Variants in SLC4A10 observed in about 807,000 individuals in gnomAD.
SLC4A10 encodes the protein sodium-driven chloride bicarbonate exchanger.
SLC4A10 carries 42 observed loss-of-function variants against 137.7 expected under a neutral mutation model. That is an observed-to-expected ratio of 0.30 (90% CI 0.24 to 0.39). The LOEUF (loss-of-function observed/expected upper bound fraction) is 0.39. Among genes scored for constraint, SLC4A10 ranks in the 10% least tolerant of loss-of-function variants. The pLI, the probability that SLC4A10 is intolerant of heterozygous loss-of-function variation, is 1.00. For synonymous variants in SLC4A10, 474 were observed against 464.1 expected, an observed-to-expected ratio of 1.02 and a Z score of -0.27; for missense variants, 925 against 1,355.0, an observed-to-expected ratio of 0.68 and a Z score of 4.98.
At chr2:161,810,626 A>G (rs1410092471) in intron 3 of SLC4A10, among the ~76,000 whole-genome samples, 3 of 151,998 alleles carry the variant, frequency 2.0e-5, no homozygotes, top group African/African-American at 7.2e-5. Context: ...CGAGATAACC[A>G]TATGGTTTTG....
intron 1 of SLC4A10, among the ~76,000 whole-genome samples, chr2:161,752,685 G>A (rs2049115700): frequency 2.0e-5 from 3 of 152,026 alleles, no homozygotes; most frequent in African/African-American, 7.2e-5. Context: ...GAATCTGGAG[G>A]GCATTATGTT....
intron 1 of SLC4A10, among the ~76,000 whole-genome samples, chr2:161,644,359 G>A (rs1574065749): frequency 6.6e-6 from 1 of 152,072 alleles, no homozygotes; most frequent in Non-Finnish European, 1.5e-5. Flanking sequence ...AGCCGGGCGT[G>A]GTGGTACGTT....
intron 1 of SLC4A10, among the ~76,000 whole-genome samples, chr2:161,711,656 G>C (rs1467602061): frequency 6.6e-6 from 1 of 151,746 alleles, no homozygotes; most frequent in Non-Finnish European, 1.5e-5. Flanking sequence ...CAAAGTGCCT[G>C]TTTCCTTGTA....
At chr2:161,781,974 A>T (rs575930892) in intron 2 of SLC4A10, among the ~76,000 whole-genome samples, 1 of 152,158 alleles carries the variant, frequency 6.6e-6, no homozygotes, top group South Asian at 2.1e-4. Flanking sequence ...CCCAACTTCG[A>T]TGGGGGCTAC....
At chr2:161,795,481 C>T (rs1208500896) in intron 2 of SLC4A10, among the ~76,000 whole-genome samples, 1 of 152,026 alleles carries the variant, frequency 6.6e-6, no homozygotes, top group Non-Finnish European at 1.5e-5. Context: ...TCATTACTAG[C>T]ATCAAAGCCA....
intron 5 of SLC4A10, among the ~76,000 whole-genome samples, chr2:161,861,394 C>G (rs1450005719): frequency 6.6e-6 from 1 of 152,028 alleles, no homozygotes; most frequent in African/African-American, 2.4e-5. Context: ...CACCTTATGA[C>G]CATAAGGAAA....
chr2:161,843,078 A>G (rs1042386013), intron 4 of SLC4A10, among the ~76,000 whole-genome samples: 1 of 152,190 alleles, frequency 6.6e-6, no homozygotes, highest in Non-Finnish European at 1.5e-5. Context: ...ACTACATAAT[A>G]GAGCTGAAAA....
At chr2:161,929,049 A>C (rs990311314) in intron 15 of SLC4A10, among the ~76,000 whole-genome samples, 4 of 152,184 alleles carry the variant, frequency 2.6e-5, no homozygotes, top group Admixed American at 1.3e-4. Flanking sequence ...CAAAATATGC[A>C]AATAACTTTC....
chr2:161,751,128 G>A (rs904688059), intron 1 of SLC4A10, among the ~76,000 whole-genome samples: 1 of 151,588 alleles, frequency 6.6e-6, no homozygotes, highest in African/African-American at 2.4e-5. Context: ...TGAGTTTCTT[G>A]TAGACAGCAT....
intron 21 of SLC4A10, among the ~76,000 whole-genome samples, chr2:161,960,337 C>G (rs952244722): frequency 2.5e-4 from 34 of 136,354 alleles, no homozygotes; most frequent in Admixed American, 1.6e-4. Flanking sequence ...GCACTCCAGC[C>G]TGGGAGGCAG....
chr2:161,661,728 T>A (rs56182217), intron 1 of SLC4A10, among the ~76,000 whole-genome samples: 4,971 of 152,314 alleles, frequency 0.033, 273 homozygotes, highest in African/African-American at 0.11. Flanking sequence ...TTCTATTTGT[T>A]GGCTTCATTC....
At chr2:161,629,406 G>A (rs758919520) in intron 1 of SLC4A10, among the ~76,000 whole-genome samples, 71 of 150,840 alleles carry the variant, frequency 4.7e-4, no homozygotes, top group Non-Finnish European at 7.7e-4. Context: ...ATTTTAATGG[G>A]TCTTATTTTT....
intron 3 of SLC4A10, among the ~76,000 whole-genome samples, chr2:161,813,281 GC>G (rs2125646574): frequency 6.6e-6 from 1 of 152,030 alleles, no homozygotes; most frequent in Non-Finnish European, 1.5e-5. Context: ...TCTTAAGATT[GC>G]TTAATGAGGC....
chr2:161,627,065 A>G (rs957969898), intron 1 of SLC4A10, among the ~76,000 whole-genome samples: 5 of 152,286 alleles, frequency 3.3e-5, no homozygotes, highest in Admixed American at 2.0e-4. Flanking sequence ...ATGTTATTAT[A>G]TATCTCTTGA....
intron 1 of SLC4A10, among the ~76,000 whole-genome samples, chr2:161,769,066 T>C (rs888548686): frequency 2.6e-5 from 4 of 152,014 alleles, no homozygotes; most frequent in Non-Finnish European, 5.9e-5. Context: ...TACTTTCCTC[T>C]ACAGTGTAAC....
rs75372896 is a variant in SLC4A10, at chr2:161,820,720, A to G, written c.277+16125A>G. On this transcript the variant is annotated intron_variant, in intron 3 of 26. Transcript: ENST00000446997. ...ATGGTCATTTGGATCATATGCAATT[A>G]GAAGCTACTACAAGTAATAATGCTG... 6.6e-3 allele frequency among the ~76,000 whole-genome samples: 1,008 copies of G among 152,328 alleles called. 9 individuals carry two copies. The highest frequency in any genetic ancestry group is 0.023 in the African/African-American group (949 of 41,578).
At chr2:161,808,106 G>A (rs192674186) in intron 3 of SLC4A10, among the ~76,000 whole-genome samples, 20 of 152,004 alleles carry the variant, frequency 1.3e-4, no homozygotes, top group African/African-American at 4.6e-4. Context: ...ACACATATAT[G>A]CCTTTTATGC....
chr2:161,943,124 C>T (rs1693045230), intron 16 of SLC4A10, among the ~76,000 whole-genome samples: 1 of 152,052 alleles, frequency 6.6e-6, no homozygotes, highest in East Asian at 1.9e-4. Flanking sequence ...CTCACTTATA[C>T]AGAAATATGT....
intron 1 of SLC4A10, among the ~76,000 whole-genome samples, chr2:161,696,010 C>T (rs1198119895): frequency 1.3e-5 from 2 of 151,238 alleles, no homozygotes; most frequent in South Asian, 2.1e-4. Context: ...TGTGCTGCAC[C>T]CATTAACTCA....
Sources: gnomAD v4.1 joint callset for allele counts (sites outside exome capture counted in the v4.1 genomes callset) on GRCh38, gnomAD v4.1.1 for gene constraint, MANE v1.5 for transcripts, NCBI Gene and HGNC (gene_info 2026-07-23, HGNC 2026-07-21) for gene names.